Variants in TBL1XR1 observed in about 807,000 individuals in gnomAD.
The protein encoded by TBL1XR1 is TBL1X/Y related 1, also known as F-box-like/WD repeat-containing protein TBL1XR1.
In TBL1XR1, 5 loss-of-function variants were observed where a neutral mutation model predicts 66.9. The observed-to-expected ratio is 0.07, with a 90% CI of 0.04 to 0.16. The LOEUF is 0.16. TBL1XR1 is among the 10% of genes least tolerant of loss of function. TBL1XR1 has a pLI of 1.00. For missense variants in TBL1XR1, 238 were observed against 623.2 expected, an observed-to-expected ratio of 0.38 and a Z score of 6.58; for synonymous variants, 210 against 206.0, an observed-to-expected ratio of 1.02 and a Z score of -0.17.
intron 2 of TBL1XR1, among the ~76,000 whole-genome samples, chr3:177,092,197 A>G (rs1722920870): frequency 6.6e-6 from 1 of 152,172 alleles, no homozygotes; most frequent in Admixed American, 6.5e-5. Context: ...CAGATGTTGG[A>G]GCATTTCAGA....
upstream of TBL1XR1, among the ~76,000 whole-genome samples, chr3:177,199,918 G>C (rs915932210): frequency 2.0e-5 from 3 of 152,130 alleles, no homozygotes; most frequent in African/African-American, 7.2e-5. Flanking sequence ...GCAGTAAAAT[G>C]TACTTTACTC....
At chr3:177,112,107 A>ATATATATATATATATT in intron 1 of TBL1XR1, among the ~76,000 whole-genome samples, 6 of 37,650 alleles carry the variant, frequency 1.6e-4, no homozygotes, top group South Asian at 1.1e-3. Context: ...ATATATATAT[A>ATATATATATATATATT]TTTTTTTTTT....
chr3:177,049,597 C>T (rs1034240383), intron 7 of TBL1XR1, among the ~76,000 whole-genome samples: 2 of 152,112 alleles, frequency 1.3e-5, no homozygotes, highest in Non-Finnish European at 2.9e-5. Flanking sequence ...TTTTGCTACA[C>T]AGAATTCTTT....
At chr3:177,141,597 A>G (rs891418605) in intron 1 of TBL1XR1, among the ~76,000 whole-genome samples, 1 of 152,262 alleles carries the variant, frequency 6.6e-6, no homozygotes, top group African/African-American at 2.4e-5. Context: ...TTTGGTGAAT[A>G]GAATGAGCTC....
intron 1 of TBL1XR1, among the ~76,000 whole-genome samples, chr3:177,153,336 G>T (rs1031844027): frequency 5.9e-5 from 9 of 152,042 alleles, no homozygotes; most frequent in African/African-American, 2.2e-4. Flanking sequence ...AGATACAAGT[G>T]GAAAACCTCG....
intron 1 of TBL1XR1, among the ~76,000 whole-genome samples, chr3:177,152,212 C>T (rs780334866): frequency 2.0e-5 from 3 of 152,188 alleles, no homozygotes; most frequent in Non-Finnish European, 2.9e-5. Context: ...TTTCAGTCCA[C>T]GGAACCTTTT....
At chr3:177,053,626 CCTGA>C in intron 4 of TBL1XR1, 143 bp downstream of exon 4, 6 of 733,854 alleles carry the variant, frequency 8.2e-6, no homozygotes, top group Non-Finnish European at 1.3e-5. Flanking sequence ...GCCGGTGCAA[CCTGA>C]CTACCACATT....
upstream of TBL1XR1, among the ~76,000 whole-genome samples, chr3:177,197,717 G>A (rs1450670206): frequency 2.1e-5 from 3 of 145,712 alleles, no homozygotes; most frequent in Non-Finnish European, 4.6e-5. Flanking sequence ...CGGCGGGGGG[G>A]CTCCAGCGGC....
At chr3:177,037,480 A>C (rs1714958183) in intron 12 of TBL1XR1, 1 of 151,002 alleles carries the variant, frequency 6.6e-6, no homozygotes. Context: ...GACTGAGAAA[A>C]GCAGACTGCC....
intron 1 of TBL1XR1, among the ~76,000 whole-genome samples, chr3:177,193,101 C>A (rs1320794328): frequency 6.6e-6 from 1 of 151,276 alleles, no homozygotes; most frequent in Non-Finnish European, 1.5e-5. Flanking sequence ...TGCAGTGAGC[C>A]GAGATCGCGC....
At chr3:177,053,476 G>T in intron 4 of TBL1XR1, among the ~76,000 whole-genome samples, 1 of 152,140 alleles carries the variant, frequency 6.6e-6, no homozygotes, top group East Asian at 1.9e-4. Context: ...ACAATTTTCA[G>T]GCCAATAATT....
chr3:177,094,950 T>C (rs1228255236), intron 2 of TBL1XR1, among the ~76,000 whole-genome samples: 2 of 151,610 alleles, frequency 1.3e-5, no homozygotes, highest in African/African-American at 2.4e-5. Context: ...CCACCACCTA[T>C]TCCCCCAAAA....
intron 1 of TBL1XR1, among the ~76,000 whole-genome samples, chr3:177,126,774 T>C (rs889536903): frequency 6.6e-6 from 1 of 150,516 alleles, no homozygotes; most frequent in Admixed American, 6.7e-5. Flanking sequence ...TAGCAAATAA[T>C]TAAAATCAAT....
chr3:177,046,599 C>T (rs918258024), intron 9 of TBL1XR1, among the ~76,000 whole-genome samples: 12 of 152,154 alleles, frequency 7.9e-5, no homozygotes, highest in African/African-American at 2.4e-4. Flanking sequence ...CCCAAAAAGG[C>T]AGCTTGAATT....
Position 177,142,695 on chromosome 3 carries a change from A to C in TBL1XR1, c.-121-44154T>G, listed in dbSNP as rs146791816. On this transcript the variant is annotated intron_variant, in intron 1 of 15. Coordinates refer to ENST00000457928, the MANE Select transcript of TBL1XR1 (RefSeq NM_024665.7). ...TACGATTAAAATAAGTAAATTTAAGAAGCAAGTGAAATAAAAATTTAAAAT... is the reference window on the plus strand; with the variant it reads ...TACGATTAAAATAAGTAAATTTAAGCAGCAAGTGAAATAAAAATTTAAAAT... Among the ~76,000 whole-genome samples, 319 of 152,322 alleles carry C rather than the reference A, an allele frequency of 2.1e-3. 1 individual carries two copies. The highest frequency in any genetic ancestry group is 0.014 in the Middle Eastern group (4 of 294).
chr3:177,107,284 T>C (rs75476937), intron 1 of TBL1XR1, among the ~76,000 whole-genome samples: 29 of 152,342 alleles, frequency 1.9e-4, no homozygotes, highest in African/African-American at 6.5e-4. Context: ...GTCGCTCTTA[T>C]GTGTCCTTAC....
intron 2 of TBL1XR1, among the ~76,000 whole-genome samples, chr3:177,085,831 G>C (rs1217960098): frequency 6.6e-6 from 1 of 152,060 alleles, no homozygotes; most frequent in Non-Finnish European, 1.5e-5. Flanking sequence ...ATTATTCTAT[G>C]GGTGCCTGAG....
intron 1 of TBL1XR1, among the ~76,000 whole-genome samples, chr3:177,105,503 T>A (rs192835225): frequency 2.0e-5 from 3 of 152,344 alleles, no homozygotes; most frequent in Admixed American, 6.5e-5. Flanking sequence ...TACATCTTAA[T>A]AGATTTCTCA....
At chr3:177,032,651 C>T (rs1162082891) in intron 14 of TBL1XR1, 5 of 177,090 alleles carry the variant, frequency 2.8e-5, no homozygotes, top group Non-Finnish European at 5.9e-5. Context: ...ATAGCTCCTT[C>T]GGAGACAACT....
Sources: allele counts gnomAD v4.1 joint callset (sites outside exome capture counted in the v4.1 genomes callset), GRCh38; gene constraint gnomAD v4.1.1; transcripts MANE v1.5; gene names NCBI Gene and HGNC (gene_info 2026-07-23, HGNC 2026-07-21).